Variants in JAKMIP1 observed in about 807,000 individuals in gnomAD.
JAKMIP1 encodes the protein janus kinase and microtubule interacting protein 1, also known as janus kinase and microtubule-interacting protein 1.
In JAKMIP1, 33 loss-of-function variants were observed where a neutral mutation model predicts 113.0. The observed-to-expected ratio is 0.29, with a 90% confidence interval of 0.22 to 0.39. JAKMIP1 has a LOEUF of 0.39. Among genes scored for constraint, JAKMIP1 ranks in the 10% least tolerant of loss-of-function variants. The pLI is 1.00. For missense variants in JAKMIP1, 813 were observed against 1,080.5 expected, an observed-to-expected ratio of 0.75 and a Z score of 3.47; for synonymous variants, 480 against 459.9, an observed-to-expected ratio of 1.04 and a Z score of -0.56.
At chr4:6,195,825 G>A (rs1476681665) in intron 1 of JAKMIP1, among the ~76,000 whole-genome samples, 7 of 152,238 alleles carry the variant, frequency 4.6e-5, no homozygotes, top group Non-Finnish European at 1.0e-4. Flanking sequence ...TGGCTTCCCA[G>A]ATGTCTCCCC....
At chr4:6,035,648 G>T (rs1472358824) in intron 19 of JAKMIP1, among the ~76,000 whole-genome samples, 1 of 152,230 alleles carries the variant, frequency 6.6e-6, no homozygotes, top group African/African-American at 2.4e-5. Context: ...GAGAAGGAGG[G>T]CCGAGGGAGA....
intron 1 of JAKMIP1, among the ~76,000 whole-genome samples, chr4:6,121,625 C>T (rs1448950006): frequency 2.0e-5 from 3 of 152,228 alleles, no homozygotes; most frequent in Admixed American, 6.5e-5. Context: ...ACACAGCAAA[C>T]GTGCAGGAAG....
intron 1 of JAKMIP1, among the ~76,000 whole-genome samples, chr4:6,134,074 T>C (rs1158980415): frequency 6.6e-6 from 1 of 152,204 alleles, no homozygotes; most frequent in Non-Finnish European, 1.5e-5. Flanking sequence ...GGGAGATGCC[T>C]GGAGGAAGGT....
intron 3 of JAKMIP1, among the ~76,000 whole-genome samples, chr4:6,095,677 C>T (rs915773821): frequency 2.6e-5 from 4 of 152,200 alleles, no homozygotes; most frequent in East Asian, 1.9e-4. Context: ...CTGATGTGTA[C>T]GTAAGATTTG....
intron 8 of JAKMIP1, among the ~76,000 whole-genome samples, chr4:6,072,808 A>G (rs1381090086): frequency 1.3e-5 from 2 of 152,152 alleles, no homozygotes; most frequent in Non-Finnish European, 2.9e-5. Context: ...TGAAAAATGC[A>G]TGCACATGAT....
chr4:6,170,028 C>CA lies in JAKMIP1; in HGVS notation c.-148+30224_-148+30225insT, dbSNP rs1425522797. ...CCACCACCCTCACCACCACCACATT[C>CA]CCATCACCACCACCACCACCATCAC... On this transcript the variant is annotated intron_variant, in intron 1 of 20. Coordinates refer to ENST00000409021, the MANE Select transcript of JAKMIP1 (RefSeq NM_001099433.2). Among the ~76,000 whole-genome samples the CA allele has an allele frequency of 7.6e-5, 10 of 132,088 alleles. No homozygotes were observed. The East Asian group carries it at 1.2e-3, about 16-fold the overall frequency. 86.7% of individuals were successfully genotyped at this position (132,088 alleles called of 152,430 possible). A position where few individuals can be genotyped will look rare whatever the true frequency, so the allele number is the denominator to read the frequency against.
intron 5 of JAKMIP1, among the ~76,000 whole-genome samples, chr4:6,082,371 C>T (rs1390889314): frequency 6.6e-6 from 1 of 151,526 alleles, no homozygotes; most frequent in Non-Finnish European, 1.5e-5. Flanking sequence ...AGAAACCTAC[C>T]GCCCCCCCAA....
In JAKMIP1 at chr4:6,157,819, G is replaced by A. The variant is rs559905797; in HGVS notation, c.-148+42434C>T. ...GAGGGACCGTAGAGTCGAGAATTCT[G>A]ATGAAAAAACTTAAATTAGATGCCA... On this transcript the variant is annotated intron_variant, in intron 1 of 20. Transcript: ENST00000409021. The surrounding 1 kb of genome is among the most constrained non-coding windows in gnomAD (Gnocchi z 4.7). Among the ~76,000 whole-genome samples the A allele has an allele frequency of 2.2e-4, 34 of 152,224 alleles. No homozygotes were observed. The highest frequency in any genetic ancestry group is 7.8e-4 in the Admixed American group (12 of 15,300).
At position 6,050,339 on chromosome 4, in the gene JAKMIP1, A is replaced by C. The variant is rs1048148922; in HGVS notation, c.1908+239T>G. Among the ~76,000 whole-genome samples the C allele has an allele frequency of 6.6e-6, 1 of 152,266 alleles. No individual in the cohort carries two copies. The highest frequency in any genetic ancestry group is 1.5e-5 in the Non-Finnish European group (1 of 68,046). On this transcript the variant is annotated intron_variant, in intron 14 of 20. Coordinates refer to ENST00000409021, the MANE Select transcript of JAKMIP1 (RefSeq NM_001099433.2). This position sits in a 1 kb window ranked among gnomAD's most constrained non-coding sequence, Gnocchi z 7.4. ...GCTCTGAAAGTTTACAGGCCAGAGC[A>C]GTGGTGGAACTGGGGTTCACACTCA...
intron 8 of JAKMIP1, among the ~76,000 whole-genome samples, chr4:6,075,494 T>A (rs1719580248): frequency 6.6e-6 from 1 of 152,110 alleles, no homozygotes; most frequent in South Asian, 2.1e-4. Flanking sequence ...CTACACTGAA[T>A]CTTGAGAAAA....
rs1728009748 is a variant in JAKMIP1, at chr4:6,197,849, C to T, written c.-148+2404G>A. ...TAGCCATAGCCTGCAGTGGCAATTG[C>T]TGCTGGCTTAAGCATTAGAAATTGT... On this transcript the variant is annotated intron_variant, in intron 1 of 20. Coordinates refer to ENST00000409021, the MANE Select transcript of JAKMIP1 (RefSeq NM_001099433.2). The surrounding 1 kb of genome is among the most constrained non-coding windows in gnomAD (Gnocchi z 6.5). Among the ~76,000 whole-genome samples the T allele has an allele frequency of 1.3e-5, 2 of 152,242 alleles. No homozygotes were observed. Among genetic ancestry groups the T allele is most frequent in the African/African-American group, 4.8e-5 (2 of 41,464 alleles).
intron 8 of JAKMIP1, among the ~76,000 whole-genome samples, chr4:6,073,933 G>T (rs971544538): frequency 1.3e-5 from 2 of 152,224 alleles, no homozygotes; most frequent in Non-Finnish European, 2.9e-5. Context: ...CCAATAGCCT[G>T]CAACACAATT....
At chr4:6,103,989 T>C (rs1025777989) in intron 3 of JAKMIP1, among the ~76,000 whole-genome samples, 1 of 152,230 alleles carries the variant, frequency 6.6e-6, no homozygotes, top group African/African-American at 2.4e-5. Context: ...AAAATTTCCT[T>C]CCTTCTACTC....
In JAKMIP1 at chr4:6,129,184, C is replaced by T. The variant is rs1260568530; in HGVS notation, c.-147-16187G>A. On this transcript the variant is annotated intron_variant, in intron 1 of 20. Coordinates refer to ENST00000409021, the MANE Select transcript of JAKMIP1 (RefSeq NM_001099433.2). This position sits in a 1 kb window ranked among gnomAD's most constrained non-coding sequence, Gnocchi z 5.4. ...TCTACAGAGTTCAGGCAGGAGGACACACGCCATCCAGCCATCAAGGGACAC... is the reference window on the plus strand; with the variant it reads ...TCTACAGAGTTCAGGCAGGAGGACATACGCCATCCAGCCATCAAGGGACAC... 6.6e-6 allele frequency among the ~76,000 whole-genome samples: 1 copy of T among 152,210 alleles called. No homozygotes were observed. Among genetic ancestry groups the T allele is most frequent in the Non-Finnish European group, 1.5e-5 (1 of 68,034 alleles).
rs1196548816 is a variant in JAKMIP1, at chr4:6,136,961, C to T, written c.-147-23964G>A. On this transcript the variant is annotated intron_variant, in intron 1 of 20. Transcript: ENST00000409021. The surrounding 1 kb of genome is among the most constrained non-coding windows in gnomAD (Gnocchi z 5.9). ...TTGTACAGATGAGGAAACTGAGGCT[C>T]AGGGAGGTGGCATGGGGAGCCAGGA... 6.6e-6 allele frequency among the ~76,000 whole-genome samples: 1 copy of T among 152,188 alleles called. No homozygotes were observed. Among genetic ancestry groups the T allele is most frequent in the Non-Finnish European group, 1.5e-5 (1 of 68,026 alleles).
At position 6,179,062 on chromosome 4, in the gene JAKMIP1, T is replaced by C. The variant is rs1311018815; in HGVS notation, c.-148+21191A>G. 4.6e-5 allele frequency among the ~76,000 whole-genome samples: 7 copies of C among 152,344 alleles called. No individual in the cohort carries two copies. The South Asian group carries it at 8.3e-4, about 18-fold the overall frequency. On this transcript the variant is annotated intron_variant, in intron 1 of 20. Transcript: ENST00000409021. The surrounding 1 kb of genome is among the most constrained non-coding windows in gnomAD (Gnocchi z 4.5). ...CAGGAAAAAATAAAACTGGGCTATA[T>C]GTCCAGAGAGTGGTTGGGGAAAGAC... is the stretch of plus-strand genomic sequence containing the variant.
In JAKMIP1 at chr4:6,193,837, GA is replaced by G. The variant is rs1210937800; in HGVS notation, c.-148+6415del. Among the ~76,000 whole-genome samples, 3 of 152,218 alleles carry G rather than the reference GA, an allele frequency of 2.0e-5. No individual in the cohort carries two copies. Among genetic ancestry groups the G allele is most frequent in the Non-Finnish European group, 2.9e-5 (2 of 68,042 alleles). ...ACCTGAGCAGCCAAAGCCCTGGGAA[GA>G]AAATGTTAACACCCTGAGCACTGCT... On this transcript the variant is annotated intron_variant, in intron 1 of 20. Coordinates refer to ENST00000409021, the MANE Select transcript of JAKMIP1 (RefSeq NM_001099433.2). The surrounding 1 kb of genome is among the most constrained non-coding windows in gnomAD (Gnocchi z 6.4).
At chr4:6,045,973 G>A (rs1714936880) in intron 16 of JAKMIP1, among the ~76,000 whole-genome samples, 1 of 152,236 alleles carries the variant, frequency 6.6e-6, no homozygotes, top group Admixed American at 6.5e-5. Flanking sequence ...ATTTAGTGGA[G>A]CAGGGGTTAA....
Position 6,062,414 on chromosome 4 carries a change from C to G in JAKMIP1, c.1458G>C (p.Leu486=), listed in dbSNP as rs1377213524. ...DDATAREEAD[L]RFCQLTREYQ... is the part of the protein sequence containing the mutation. ...ACTCCCGGGTCAGCTGGCAGAAGCG[C>G]AGGTCAGCCTCCTCTCGGGCTGTGG... Residue 486 remains leucine, a synonymous_variant, in exon 10 of 21, where the codon CTG becomes CTC. Transcript: ENST00000409021. 6.2e-6 allele frequency: 10 copies of G among 1,613,804 alleles called. No homozygotes were observed. Among genetic ancestry groups the G allele is most frequent in the Non-Finnish European group, 8.5e-6 (10 of 1,179,918 alleles).
Sources: gnomAD v4.1 joint callset for allele counts (sites outside exome capture counted in the v4.1 genomes callset) on GRCh38, gnomAD v4.1.1 for gene constraint, Gnocchi (gnomAD v3.1) non-coding constraint, MANE v1.5 for transcripts, NCBI Gene and HGNC (gene_info 2026-07-23, HGNC 2026-07-21) for gene names.